MACC1: variants seen among roughly 807,000 people sequenced by gnomAD.
MACC1 encodes the protein MET transcriptional regulator MACC1, also known as metastasis-associated in colon cancer protein 1.
A neutral mutation model predicts 70.7 loss-of-function variants in MACC1; 79 were observed. The ratio of observed to expected loss-of-function variants is 1.12; its 90% CI spans 0.93 to 1.35. The LOEUF is 1.35. Ranked by LOEUF, MACC1 falls within the 40% of genes most tolerant of loss-of-function variation. The pLI is 0.00. For missense variants in MACC1, 1,106 were observed against 978.1 expected (o/e 1.13, Z -1.74); for synonymous variants, 361 against 347.2 (o/e 1.04, Z -0.44).
At position 20,159,467 on chromosome 7, in the gene MACC1, C is replaced by A. The variant is rs1378592841; in HGVS notation, c.894G>T (p.Lys298Asn). The A allele has an allele frequency of 6.2e-7, 1 of 1,614,040 alleles. No individual in the cohort carries two copies. Among genetic ancestry groups the A allele is most frequent in the Non-Finnish European group, 8.5e-7 (1 of 1,180,026 alleles). ...LEMKIGAEVR[K>N]DPFSQVMTEM... The stretch of plus-strand genomic sequence containing the variant: ...CTGTCATGACTTGGCTGAAAGGATC[C>A]TTTCTTACTTCAGCCCCAATTTTCA... The change falls in exon 5 of 7, where the codon AAG becomes AAT. Residue 298 changes from lysine to asparagine, a missense_variant. Coordinates refer to ENST00000400331, the MANE Select transcript of MACC1 (RefSeq NM_182762.4).
At chr7:20,194,099 C>T (rs2128107472) in intron 1 of MACC1, among the ~76,000 whole-genome samples, 1 of 152,178 alleles carries the variant, frequency 6.6e-6, no homozygotes, top group Admixed American at 6.5e-5. Flanking sequence ...GTTTCCACCA[C>T]AGAACTACCC....
chr7:20,213,011 C>G (rs1457091818), intron 1 of MACC1, among the ~76,000 whole-genome samples: 1 of 152,052 alleles, frequency 6.6e-6, no homozygotes, highest in Non-Finnish European at 1.5e-5. Flanking sequence ...AGCAGCTGTT[C>G]TGTGCTGGGA....
chr7:20,141,214 C>A (rs1018171889), intron 6 of MACC1, 56 bp from the exon 7 acceptor site: 15 of 1,237,384 alleles, frequency 1.2e-5, no homozygotes, highest in South Asian at 1.7e-5. Flanking sequence ...AGAGGAAAAT[C>A]GTTTTTAAAA....
chr7:20,211,825 G>A (rs1023449962), intron 1 of MACC1, among the ~76,000 whole-genome samples: 2 of 152,002 alleles, frequency 1.3e-5, no homozygotes, highest in Admixed American at 1.3e-4. Flanking sequence ...ATATTTTATA[G>A]TACTACTTAT....
chr7:20,207,436 G>T (rs1366447961), intron 1 of MACC1, among the ~76,000 whole-genome samples: 1 of 152,070 alleles, frequency 6.6e-6, no homozygotes, highest in Non-Finnish European at 1.5e-5. Context: ...ACAGGCATGA[G>T]CCACTGGGCT....
chr7:20,147,304 T>A (rs1363538391), intron 6 of MACC1: 4 of 152,216 alleles, frequency 2.6e-5, no homozygotes, highest in Non-Finnish European at 5.9e-5. Context: ...ACTGTATGTC[T>A]TTTTTTAGCT....
chr7:20,165,210 G>C (rs1462375621), intron 2 of MACC1, among the ~76,000 whole-genome samples: 3 of 152,240 alleles, frequency 2.0e-5, no homozygotes, highest in East Asian at 1.9e-4. Context: ...CACTTGGAAG[G>C]CTTAATCAAA....
chr7:20,154,821 A>G (rs1583385463), intron 5 of MACC1, among the ~76,000 whole-genome samples: 1 of 152,276 alleles, frequency 6.6e-6, no homozygotes, highest in African/African-American at 2.4e-5. Flanking sequence ...TTTAAAGTGT[A>G]TGTGAACTGG....
In MACC1 at chr7:20,136,223, A is replaced by G. The variant is rs1471229346; in HGVS notation, c.*4723T>C. Reference sequence around the variant, plus strand: ...AGTAAGGGAGTAATGGACAAAGATTAGAAACCGCAGCTCTCAACTCTTTGA... The same window carrying G: ...AGTAAGGGAGTAATGGACAAAGATTGGAAACCGCAGCTCTCAACTCTTTGA... On this transcript the variant is annotated 3_prime_UTR_variant, in exon 7 of 7. Coordinates refer to ENST00000400331, the MANE Select transcript of MACC1 (RefSeq NM_182762.4). 1 of 152,214 alleles carries G rather than the reference A, an allele frequency of 6.6e-6. No individual in the cohort carries two copies. Among genetic ancestry groups the G allele is most frequent in the African/African-American group, 2.4e-5 (1 of 41,462 alleles). 9.4% of individuals were successfully genotyped at this position (152,214 alleles called of 1,614,324 possible).
rs772571876 is a variant in MACC1 at position 20,160,094 on chromosome 7, C to T, written c.267G>A (p.Lys89=). 2.5e-6 allele frequency: 4 copies of T among 1,612,492 alleles called. No homozygotes were observed. The highest frequency in any genetic ancestry group is 3.4e-6 in the Non-Finnish European group (4 of 1,179,504). The stretch of plus-strand genomic sequence containing the variant: ...CCTTTAAGATGGAAATATTATTTCT[C>T]TTCCTGTTATTTCTTAGTTGAGTTA... The part of the protein sequence containing the change: ...DDITQLRNNR[K]RNNISILKED... Residue 89 remains lysine (K), a synonymous_variant, in exon 5 of 7, where the codon AAG becomes AAA. Coordinates refer to ENST00000400331, the MANE Select transcript of MACC1 (RefSeq NM_182762.4).
At chr7:20,141,455 C>T (rs1362869904) in intron 6 of MACC1, among the ~76,000 whole-genome samples, 2 of 152,114 alleles carry the variant, frequency 1.3e-5, no homozygotes, top group Non-Finnish European at 2.9e-5. Context: ...ATTCCTTGCA[C>T]AATTTTTTGA....
chr7:20,174,948 T>C (rs1583396855), intron 1 of MACC1, among the ~76,000 whole-genome samples: 1 of 152,268 alleles, frequency 6.6e-6, no homozygotes, highest in East Asian at 1.9e-4. Flanking sequence ...TAATACTAAA[T>C]ATATCAACCC....
chr7:20,179,752 A>G (rs1203544184), intron 1 of MACC1, among the ~76,000 whole-genome samples: 1 of 152,170 alleles, frequency 6.6e-6, no homozygotes, highest in Non-Finnish European at 1.5e-5. Context: ...GACATCAACC[A>G]GTGGTTTCAA....
At chr7:20,176,397 T>C (rs1782393501) in intron 1 of MACC1, among the ~76,000 whole-genome samples, 1 of 152,054 alleles carries the variant, frequency 6.6e-6, no homozygotes, top group Admixed American at 6.6e-5. Flanking sequence ...CAGTGCCAGA[T>C]TCAACCCGTA....
intron 1 of MACC1, among the ~76,000 whole-genome samples, chr7:20,197,923 G>C (rs553463247): frequency 6.6e-6 from 1 of 152,058 alleles, no homozygotes; most frequent in East Asian, 1.9e-4. Flanking sequence ...CTAGAAAATA[G>C]GCTACTTCAT....
Position 20,168,170 on chromosome 7 carries a change from A to G in MACC1, c.-153+2544T>C, listed in dbSNP as rs538501834. Reference sequence around the variant, plus strand: ...ATGAACATACCCACAACACACATGCACTTCCTTGGCTTAAAAATATGTTGA... The same window carrying G: ...ATGAACATACCCACAACACACATGCGCTTCCTTGGCTTAAAAATATGTTGA... On this transcript the variant is annotated intron_variant, in intron 2 of 6. Coordinates refer to ENST00000400331, the MANE Select transcript of MACC1 (RefSeq NM_182762.4). Among the ~76,000 whole-genome samples, 5 of 152,242 alleles carry G rather than the reference A, an allele frequency of 3.3e-5. No individual in the cohort carries two copies. In the South Asian group the frequency reaches 1.0e-3, roughly 32 times the overall value.
At chr7:20,194,505 G>C (rs374431344) in intron 1 of MACC1, among the ~76,000 whole-genome samples, 1 of 152,154 alleles carries the variant, frequency 6.6e-6, no homozygotes, top group Admixed American at 6.5e-5. Flanking sequence ...AGGAGGCTTC[G>C]CTCCTTTCAT....
chr7:20,181,080 C>CTGTGTGTGTGTGTGTGTGTG (rs59476252), intron 1 of MACC1, among the ~76,000 whole-genome samples: 11 of 149,188 alleles, frequency 7.4e-5, no homozygotes, highest in Admixed American at 4.7e-4. Context: ...TGTATGTGCT[C>CTGTGTGTGTGTGTGTGTGTG]TGTGTGTGTG....
chr7:20,188,180 C>T (rs1782618612), intron 1 of MACC1, among the ~76,000 whole-genome samples: 1 of 152,230 alleles, frequency 6.6e-6, no homozygotes, highest in African/African-American at 2.4e-5. Context: ...CCTGGTTCCA[C>T]TCTTGACAGG....
Sources: allele counts gnomAD v4.1 joint callset (sites outside exome capture counted in the v4.1 genomes callset), GRCh38; gene constraint gnomAD v4.1.1; transcripts MANE v1.5; gene names NCBI Gene and HGNC (gene_info 2026-07-23, HGNC 2026-07-21).